The following VAMP4 variants were observed in gnomAD, a reference collection of about 807,000 sequenced individuals.
The protein encoded by VAMP4 is vesicle associated membrane protein 4.
VAMP4 carries 19 observed loss-of-function variants against 23.5 expected under a neutral mutation model. The observed-to-expected ratio is 0.81, with a 90% CI of 0.56 to 1.19. The LOEUF is 1.19. Ranked by LOEUF, VAMP4 falls within the 50% of genes most tolerant of loss-of-function variation. The pLI, the probability that VAMP4 is intolerant of heterozygous loss-of-function variation, is 0.00. For missense variants in VAMP4, 145 were observed against 168.6 expected, an observed-to-expected ratio of 0.86 and a Z score of 0.78; for synonymous variants, 31 against 51.0, an observed-to-expected ratio of 0.61 and a Z score of 1.67.
rs182213609 is a variant in VAMP4, at chr1:171,728,392, G to A, written c.113+132C>T. The A allele has an allele frequency of 1.5e-5, 10 of 649,744 alleles. No individual in the cohort carries two copies. In the East Asian group the frequency reaches 2.9e-4, roughly 19 times the overall value. 40.2% of individuals were successfully genotyped at this position (649,744 alleles called of 1,614,324 possible). A position where few individuals can be genotyped will look rare whatever the true frequency, so the allele number is the denominator to read the frequency against. On this transcript the variant is annotated intron_variant, in intron 3 of 7. Coordinates refer to ENST00000236192, the MANE Select transcript of VAMP4 (RefSeq NM_003762.5). ...TCTGTGTTTTCACATATCCACTGGG[G>A]GATCTTGGAAGGCATCTCTCACGTA... is the stretch of plus-strand genomic sequence containing the variant.
chr1:171,704,548 C>G lies in VAMP4; in HGVS notation c.398-14G>C. 6.4e-7 allele frequency: 1 copy of G among 1,568,838 alleles called. No individual in the cohort carries two copies. The highest frequency in any genetic ancestry group is 2.3e-5 in the East Asian group (1 of 42,972). On this transcript the variant is annotated splice_polypyrimidine_tract_variant and intron_variant, in intron 7 of 7. Coordinates refer to ENST00000236192, the MANE Select transcript of VAMP4 (RefSeq NM_003762.5). ...TGACTATAAGAACTGTAAGAGAAAA[C>G]ATGAAAAAAGCAATATATCAACATC... is the stretch of plus-strand genomic sequence containing the variant.
chr1:171,709,497 C>T (rs1654775253), intron 6 of VAMP4, among the ~76,000 whole-genome samples, 168 bp downstream of exon 6: 1 of 152,020 alleles, frequency 6.6e-6, no homozygotes, highest in African/African-American at 2.4e-5. Context: ...TATCCCTATC[C>T]CAAAAGCAAT....
At position 171,706,359 on chromosome 1, in the gene VAMP4, ATACT is replaced by A; in HGVS notation, c.397+4_397+7del. The A allele has an allele frequency of 6.2e-7, 1 of 1,605,496 alleles. No homozygotes were observed. The highest frequency in any genetic ancestry group is 1.1e-5 in the South Asian group (1 of 89,472). Reference sequence around the variant, plus strand: ...ACCCTAGGAAGTAATAATCCAATAAATACTTACTGATAATCACTAGCAAAAGGAT... The same window carrying A: ...ACCCTAGGAAGTAATAATCCAATAAATACTGATAATCACTAGCAAAAGGAT... On this transcript the variant is annotated splice_donor_5th_base_variant and intron_variant, in intron 7 of 7. Coordinates refer to ENST00000236192, the MANE Select transcript of VAMP4 (RefSeq NM_003762.5).
chr1:171,708,876 GAAA>G lies in VAMP4; in HGVS notation c.345+786_345+788del, dbSNP rs75439179. Among the ~76,000 whole-genome samples the G allele has an allele frequency of 1.4e-4, 12 of 84,212 alleles. 1 individual carries two copies. Among genetic ancestry groups the G allele is most frequent in the South Asian group, 8.9e-4 (2 of 2,242 alleles). The allele number at this position is 84,212 out of a possible 152,430, so 55.2% of individuals were successfully genotyped here. On this transcript the variant is annotated intron_variant, in intron 6 of 7. Transcript: ENST00000236192. Reference sequence around the variant, plus strand: ...AACAAGAGCAAAACTCTATCTCAAAGAAAAAAAAAAAAAAAAAAAGGAGAGTTA... The same window carrying G: ...AACAAGAGCAAAACTCTATCTCAAAGAAAAAAAAAAAAAAAAGGAGAGTTA...
At chr1:171,731,981 A>G (rs564351600) in intron 2 of VAMP4, among the ~76,000 whole-genome samples, 2 of 152,358 alleles carry the variant, frequency 1.3e-5, no homozygotes, top group Admixed American at 1.3e-4. Context: ...AGCTTAAAGT[A>G]TCTTACAGAA....
chr1:171,727,137 G>A (rs1655396348), intron 3 of VAMP4, among the ~76,000 whole-genome samples: 1 of 151,566 alleles, frequency 6.6e-6, no homozygotes, highest in Admixed American at 6.6e-5. Context: ...CTACTTGGGA[G>A]GCTGAGGCGA....
chr1:171,734,541 AC>A (rs1274438530), intron 2 of VAMP4, among the ~76,000 whole-genome samples: 1 of 152,120 alleles, frequency 6.6e-6, no homozygotes, highest in East Asian at 1.9e-4. Context: ...TTGTTGCACA[AC>A]TCTGTGAATA....
At chr1:171,709,175 T>C (rs1654765315) in intron 6 of VAMP4, among the ~76,000 whole-genome samples, 1 of 152,102 alleles carries the variant, frequency 6.6e-6, no homozygotes, top group Admixed American at 6.6e-5. Flanking sequence ...TTTTACTTTT[T>C]ATTTTTCTGG....
Position 171,728,845 on chromosome 1 carries a change from G to T in VAMP4, c.67-275C>A, listed in dbSNP as rs536982597. 1.2e-4 allele frequency among the ~76,000 whole-genome samples: 19 copies of T among 152,312 alleles called. 1 individual carries two copies. In the South Asian group the frequency reaches 3.9e-3, roughly 32 times the overall value. ...GCTGGTATGGGAGTGAGGAACTGCA[G>T]GTAGTCAGGAGGGAGCAAGTCCCCT... On this transcript the variant is annotated intron_variant, in intron 2 of 7. Transcript: ENST00000236192.
At chr1:171,740,114 A>T (rs1655879415) in intron 1 of VAMP4, among the ~76,000 whole-genome samples, 1 of 152,240 alleles carries the variant, frequency 6.6e-6, no homozygotes, top group South Asian at 2.1e-4. Context: ...AACTAGGAGA[A>T]AACTAAAGTT....
At chr1:171,718,258 A>G (rs1028155089) in intron 4 of VAMP4, among the ~76,000 whole-genome samples, 2 of 152,202 alleles carry the variant, frequency 1.3e-5, no homozygotes. Context: ...ACCTGAGTAA[A>G]GCCCAAGTAT....
At position 171,737,813 on chromosome 1, in the gene VAMP4, A is replaced by G. The variant is rs770291980; in HGVS notation, c.66+536T>C. Among the ~76,000 whole-genome samples the G allele has an allele frequency of 4.9e-4, 74 of 152,352 alleles. 1 individual carries two copies. The highest frequency in any genetic ancestry group is 4.1e-4 in the South Asian group (2 of 4,830). On this transcript the variant is annotated intron_variant, in intron 2 of 7. Transcript: ENST00000236192. ...GTGTATTTGTATAAAACTCCCTTTCAAAAACTAGAAAGAAGCTATGAGAAT... is the reference window on the plus strand; with the variant it reads ...GTGTATTTGTATAAAACTCCCTTTCGAAAACTAGAAAGAAGCTATGAGAAT...
intron 4 of VAMP4, among the ~76,000 whole-genome samples, chr1:171,713,465 G>T (rs1160151663): frequency 6.6e-6 from 1 of 151,982 alleles, no homozygotes; most frequent in Non-Finnish European, 1.5e-5. Context: ...GCGCATTCAG[G>T]GTGGTATGGC....
intron 6 of VAMP4, among the ~76,000 whole-genome samples, chr1:171,708,049 A>G (rs1003585292): frequency 6.6e-6 from 1 of 152,096 alleles, no homozygotes; most frequent in African/African-American, 2.4e-5. Flanking sequence ...CCTGTAATCC[A>G]GCACTTTGGG....
In VAMP4 at chr1:171,738,358, T is replaced by C. The variant is rs765126129; in HGVS notation, c.57A>G (p.Lys19=). 2.1e-5 allele frequency: 34 copies of C among 1,613,930 alleles called. No homozygotes were observed. Among genetic ancestry groups the C allele is most frequent in the Non-Finnish European group, 2.6e-5 (31 of 1,179,996 alleles). ...AAGATTCCGAACTTACCCTTTCACT[T>C]TTCACAGAACCTGTGACATCATCAT... ...LNDDDVTGSV[K]SERRNLLEDD... Residue 19 remains lysine, a synonymous_variant, in exon 2 of 8, where the codon AAA becomes AAG. Transcript: ENST00000236192.
chr1:171,725,816 G>C (rs1655346043), intron 3 of VAMP4, among the ~76,000 whole-genome samples: 1 of 151,030 alleles, frequency 6.6e-6, no homozygotes, highest in Admixed American at 6.6e-5. Context: ...TTAACCCCCT[G>C]AGTTGCTGGG....
Position 171,712,750 on chromosome 1 carries a change from A to T in VAMP4, c.165-1936T>A, listed in dbSNP as rs12033947. Among the ~76,000 whole-genome samples, 669 of 152,332 alleles carry T rather than the reference A, an allele frequency of 4.4e-3. 25 individuals are homozygous for T. In the East Asian group the frequency reaches 0.1, roughly 23 times the overall value. On this transcript the variant is annotated intron_variant, in intron 4 of 7. Coordinates refer to ENST00000236192, the MANE Select transcript of VAMP4 (RefSeq NM_003762.5). ...AAAGGTGTTCATCCTATTTAAGAAC[A>T]ATGGCACAAATACACAACTAATCAA...
At chr1:171,723,519 G>T (rs369795513) in intron 3 of VAMP4, among the ~76,000 whole-genome samples, 1 of 152,146 alleles carries the variant, frequency 6.6e-6, no homozygotes, top group Non-Finnish European at 1.5e-5. Flanking sequence ...TCTCCTATTT[G>T]CTTTTGTAAG....
chr1:171,727,269 A>C (rs1042109830), intron 3 of VAMP4, among the ~76,000 whole-genome samples: 16 of 151,378 alleles, frequency 1.1e-4, no homozygotes, highest in African/African-American at 3.9e-4. Flanking sequence ...AGCCAAAAAA[A>C]CACAACTCAA....
Sources: allele counts gnomAD v4.1 joint callset (sites outside exome capture counted in the v4.1 genomes callset), GRCh38; gene constraint gnomAD v4.1.1; transcripts MANE v1.5; gene names NCBI Gene and HGNC (gene_info 2026-07-23, HGNC 2026-07-21).